MMP26: variants seen among roughly 807,000 people sequenced by gnomAD.
MMP26 encodes matrix metallopeptidase 26.
Under a neutral mutation model 31.0 loss-of-function variants are expected in MMP26, and 33 were observed. The observed-to-expected ratio is 1.06, with a 90% confidence interval of 0.81 to 1.42. The LOEUF is 1.42. Ranked by LOEUF, MMP26 falls within the 40% of genes most tolerant of loss-of-function variation. The probability of loss-of-function intolerance (pLI) is 0.00; values close to 1 mark genes in which losing one functional copy is unlikely to be tolerated. For missense variants in MMP26, 347 were observed against 316.1 expected, an observed-to-expected ratio of 1.10 and a Z score of -0.74; for synonymous variants, 122 against 114.9, an observed-to-expected ratio of 1.06 and a Z score of -0.40.
chr11:4,963,944 C>T (rs948223212), intron 2 of MMP26, among the ~76,000 whole-genome samples: 8 of 152,002 alleles, frequency 5.3e-5, no homozygotes, highest in Admixed American at 3.9e-4. Context: ...GTCCTTTGAC[C>T]ACTTTTTAAG....
rs1304164913 is a variant in MMP26, at chr11:4,721,578, C to G, written c.-217+16533C>G. Among the ~76,000 whole-genome samples the G allele has an allele frequency of 7.9e-5, 12 of 152,264 alleles. No individual in the cohort carries two copies. In the South Asian group the frequency reaches 8.3e-4, roughly 11 times the overall value. On this transcript the variant is annotated intron_variant, in intron 1 of 7. Coordinates refer to ENST00000380390, the MANE Select transcript of MMP26 (RefSeq NM_021801.5). ...CTTATCTCTCATCTTTCCAATTGCTCTCATGTCTGTTCATGAGTGGATTTT... is the reference window on the plus strand; with the variant it reads ...CTTATCTCTCATCTTTCCAATTGCTGTCATGTCTGTTCATGAGTGGATTTT...
intron 2 of MMP26, chr11:4,913,322 A>C (rs900703221): frequency 2.0e-5 from 3 of 152,214 alleles, no homozygotes; most frequent in Non-Finnish European, 1.5e-5. Context: ...GACCAACCTC[A>C]GGTGAGAACT....
chr11:4,882,554 T>G lies in MMP26; in HGVS notation c.-144-105514T>G. 1 of 1,613,882 alleles carries G rather than the reference T, an allele frequency of 6.2e-7. No homozygotes were observed. Among genetic ancestry groups the G allele is most frequent in the Non-Finnish European group, 8.5e-7 (1 of 1,179,926 alleles). On this transcript the variant is annotated intron_variant, in intron 2 of 7. Coordinates refer to ENST00000380390, the MANE Select transcript of MMP26 (RefSeq NM_021801.5). ...CACTGACGTATTGTTTATTCTTTTC[T>G]CCTATGTCCTGATCCTCCGTACTGT... is the stretch of plus-strand genomic sequence containing the variant.
chr11:4,952,823 G>C lies in MMP26; in HGVS notation c.-144-35245G>C, dbSNP rs74052671. 1.8e-3 allele frequency among the ~76,000 whole-genome samples: 223 copies of C among 125,190 alleles called. 35 individuals are homozygous for C. Among genetic ancestry groups the C allele is most frequent in the African/African-American group, 5.4e-3 (200 of 36,908 alleles). 82.1% of individuals were successfully genotyped at this position (125,190 alleles called of 152,430 possible). On this transcript the variant is annotated intron_variant, in intron 2 of 7. Coordinates refer to ENST00000380390, the MANE Select transcript of MMP26 (RefSeq NM_021801.5). Reference sequence around the variant, plus strand: ...GGAAGCACATCGTGCATGTATTAGAGGTTTGAAAGCAATACTTGTATCTAT... The same window carrying C: ...GGAAGCACATCGTGCATGTATTAGACGTTTGAAAGCAATACTTGTATCTAT...
At chr11:4,917,280 T>G (rs1453188317) in intron 2 of MMP26, among the ~76,000 whole-genome samples, 1 of 152,166 alleles carries the variant, frequency 6.6e-6, no homozygotes, top group Admixed American at 6.5e-5. Flanking sequence ...AACAGAAGCT[T>G]AGAAAAAATT....
At position 4,745,793 on chromosome 11, in the gene MMP26, A is replaced by C. The variant is rs114628752; in HGVS notation, c.-216-21477A>C. Among the ~76,000 whole-genome samples the C allele has an allele frequency of 3.1e-3, 475 of 152,254 alleles. 3 individuals carry two copies. Among genetic ancestry groups the C allele is most frequent in the African/African-American group, 9.8e-3 (409 of 41,548 alleles). On this transcript the variant is annotated intron_variant, in intron 1 of 7. Transcript: ENST00000380390. ...ATCTCCCTCCCCACTCCTGGAAACCATTGATTTTTATAATATCTCCAAAGT... is the reference window on the plus strand; with the variant it reads ...ATCTCCCTCCCCACTCCTGGAAACCCTTGATTTTTATAATATCTCCAAAGT...
chr11:4,742,025 A>C (rs892031297), intron 1 of MMP26, among the ~76,000 whole-genome samples: 16 of 152,202 alleles, frequency 1.1e-4, no homozygotes, highest in African/African-American at 3.6e-4. Context: ...GGAGACTGTG[A>C]GATAGTACTT....
At chr11:4,789,354 T>G (rs537403529) in intron 2 of MMP26, among the ~76,000 whole-genome samples, 1 of 152,008 alleles carries the variant, frequency 6.6e-6, no homozygotes, top group Non-Finnish European at 1.5e-5. Context: ...GAAAATAAAG[T>G]GATTTTGGGG....
At chr11:4,771,616 G>T (rs753818153) in intron 2 of MMP26, among the ~76,000 whole-genome samples, 2 of 152,024 alleles carry the variant, frequency 1.3e-5, no homozygotes, top group Non-Finnish European at 2.9e-5. Context: ...AATAATAGCA[G>T]TATTCATGAG....
chr11:4,941,763 G>A lies in MMP26; in HGVS notation c.-144-46305G>A, dbSNP rs61880614. On this transcript the variant is annotated intron_variant, in intron 2 of 7. Coordinates refer to ENST00000380390, the MANE Select transcript of MMP26 (RefSeq NM_021801.5). ...TATAAAAAGGAAAAAATAGAAATAA[G>A]CAAACTGTTTGCTGCAGGTTCTTTT... Among the ~76,000 whole-genome samples the A allele has an allele frequency of 7.7e-5, 7 of 90,358 alleles. No individual in the cohort carries two copies. In the East Asian group the frequency reaches 2.5e-3, roughly 33 times the overall value. 59.3% of individuals were successfully genotyped at this position (90,358 alleles called of 152,430 possible).
chr11:4,772,531 G>A (rs1393669785), intron 2 of MMP26, among the ~76,000 whole-genome samples: 1 of 152,130 alleles, frequency 6.6e-6, no homozygotes, highest in Non-Finnish European at 1.5e-5. Flanking sequence ...AAATGTGTCA[G>A]CTCCTGATAT....
chr11:4,985,652 C>G (rs1846875586), intron 2 of MMP26, among the ~76,000 whole-genome samples: 2 of 152,098 alleles, frequency 1.3e-5, no homozygotes, highest in Non-Finnish European at 2.9e-5. Flanking sequence ...CTATATTCCT[C>G]ATGGTGAAAT....
intron 2 of MMP26, among the ~76,000 whole-genome samples, chr11:4,852,487 G>C (rs916537016): frequency 6.6e-6 from 1 of 152,094 alleles, no homozygotes; most frequent in Non-Finnish European, 1.5e-5. Flanking sequence ...ATATCATACA[G>C]AGCATATTCA....
At chr11:4,872,625 G>C (rs766709647) in intron 2 of MMP26, among the ~76,000 whole-genome samples, 3 of 151,950 alleles carry the variant, frequency 2.0e-5, no homozygotes, top group Non-Finnish European at 2.9e-5. Context: ...CTTTTACTCA[G>C]CAGCTCAGAT....
At chr11:4,797,171 A>T (rs1485100931) in intron 2 of MMP26, among the ~76,000 whole-genome samples, 2 of 152,166 alleles carry the variant, frequency 1.3e-5, no homozygotes. Flanking sequence ...AAAAACTCAT[A>T]ATCAGTTGAG....
chr11:4,859,406 G>T (rs544685216), intron 2 of MMP26, among the ~76,000 whole-genome samples: 1 of 152,240 alleles, frequency 6.6e-6, no homozygotes, highest in African/African-American at 2.4e-5. Flanking sequence ...TAGATTTTGT[G>T]ATACCATATT....
In MMP26 at chr11:4,991,398, G is replaced by A. The variant is rs1182859971; in HGVS notation, c.497G>A (p.Gly166Glu). 1 of 1,613,706 alleles carries A rather than the reference G, an allele frequency of 6.2e-7. No homozygotes were observed. The highest frequency in any genetic ancestry group is 8.5e-7 in the Non-Finnish European group (1 of 1,179,722). Residue 166 changes from glycine to glutamate, a missense_variant, in exon 6 of 8, where the codon GGG becomes GAG. By Grantham distance (98) the Gly-to-Glu change is moderately conservative. Coordinates refer to ENST00000380390, the MANE Select transcript of MMP26 (RefSeq NM_021801.5). ...CATGAAGATGGTTGGCCCTTTGATG[G>A]GCCAGGTGGTATCTTAGGCCATGCC... is the stretch of plus-strand genomic sequence containing the variant. ...WAHEDGWPFD[G>E]PGGILGHAFL...
rs1420746597 is a variant in MMP26, at chr11:4,990,774, A to G, written c.469+28A>G. The G allele has an allele frequency of 9.3e-6, 15 of 1,612,914 alleles. No individual in the cohort carries two copies. The East Asian group carries it at 3.3e-4, about 36-fold the overall frequency. ...AAGAAATTGACATGGGAAGAAGGAT[A>G]TGTATATGCCCTGTGTAAAGGACAA... is the stretch of plus-strand genomic sequence containing the variant. On this transcript the variant is annotated intron_variant, in intron 5 of 7. Coordinates refer to ENST00000380390, the MANE Select transcript of MMP26 (RefSeq NM_021801.5).
chr11:4,718,150 T>C (rs1847961182), intron 1 of MMP26, among the ~76,000 whole-genome samples: 3 of 152,160 alleles, frequency 2.0e-5, no homozygotes, highest in South Asian at 2.1e-4. Flanking sequence ...CTGATTCTGA[T>C]TGAAAGAAAA....
Sources: gnomAD v4.1 joint callset for allele counts (sites outside exome capture counted in the v4.1 genomes callset) on GRCh38, gnomAD v4.1.1 for gene constraint, MANE v1.5 for transcripts, NCBI Gene and HGNC (gene_info 2026-07-23, HGNC 2026-07-21) for gene names.